DPH6: variants seen among roughly 807,000 people sequenced by gnomAD.
The protein encoded by DPH6 is diphthamine biosynthesis 6.
Under a neutral mutation model 38.2 loss-of-function variants are expected in DPH6, and 33 were observed. That is an observed-to-expected ratio of 0.86 (90% CI 0.65 to 1.15). The LOEUF is 1.15. Ranked by LOEUF, DPH6 falls within the 50% of genes most tolerant of loss-of-function variation. The pLI, the probability that DPH6 is intolerant of heterozygous loss-of-function variation, is 0.00. For synonymous variants in DPH6, 108 were observed against 103.0 expected (o/e 1.05, Z -0.30); for missense variants, 325 against 320.0 (o/e 1.02, Z -0.12).
intron 3 of DPH6, among the ~76,000 whole-genome samples, chr15:35,248,569 G>T (rs2051650943): frequency 6.6e-6 from 1 of 152,128 alleles, no homozygotes; most frequent in Non-Finnish European, 1.5e-5. Flanking sequence ...TGCTTCATCA[G>T]ATCTAAAGCA....
chr15:35,490,165 G>A (rs748816504), intron 3 of DPH6: 87 of 985,262 alleles, frequency 8.8e-5, no homozygotes, highest in Non-Finnish European at 1.0e-4. Context: ...ACACAGTAAA[G>A]TCTGAGATTC....
chr15:35,498,177 A>G (rs1595419104), intron 3 of DPH6, among the ~76,000 whole-genome samples: 2 of 152,152 alleles, frequency 1.3e-5, no homozygotes, highest in African/African-American at 4.8e-5. Flanking sequence ...CCTTAATACT[A>G]TCTCAAATGT....
chr15:35,477,605 C>T (rs2054278108), intron 3 of DPH6, among the ~76,000 whole-genome samples: 1 of 151,784 alleles, frequency 6.6e-6, no homozygotes, highest in African/African-American at 2.4e-5. Flanking sequence ...CCAGTGATTT[C>T]ATTCATTTAC....
chr15:35,398,247 C>A (rs946073884), intron 6 of DPH6, among the ~76,000 whole-genome samples: 1 of 152,144 alleles, frequency 6.6e-6, no homozygotes, highest in Non-Finnish European at 1.5e-5. Flanking sequence ...ACAGAAACAT[C>A]TTTTGTTCTA....
Position 35,280,378 on chromosome 15 carries a change from G to A in DPH6, n.201-59796C>T, listed in dbSNP as rs182128000. Among the ~76,000 whole-genome samples the A allele has an allele frequency of 5.3e-5, 8 of 152,156 alleles. No individual in the cohort carries two copies. In the East Asian group the frequency reaches 1.5e-3, roughly 29 times the overall value. On this transcript the variant is annotated intron_variant and non_coding_transcript_variant, in intron 3 of 3. Transcript: ENST00000560386. ...AAGCAATAAATAATATTGGAGGTTA[G>A]GGTAAAGAAAAATCACTTGTAGCTC... is the stretch of plus-strand genomic sequence containing the variant.
rs182144359 is a variant in DPH6 at position 35,420,931 on chromosome 15, C to T, written c.506-10035G>A. On this transcript the variant is annotated intron_variant, in intron 5 of 8. Transcript: ENST00000256538. ...GAAATGGAAGGGGAGACATTATAAC[C>T]GGTAACACGGAAATACAAAGGATCA... Among the ~76,000 whole-genome samples, 176 of 152,104 alleles carry T rather than the reference C, an allele frequency of 1.2e-3. 1 individual carries two copies. The highest frequency in any genetic ancestry group is 4.0e-3 in the African/African-American group (168 of 41,486).
At chr15:35,393,481 G>C (rs1041174101) in intron 6 of DPH6, among the ~76,000 whole-genome samples, 2 of 152,184 alleles carry the variant, frequency 1.3e-5, no homozygotes, top group Non-Finnish European at 2.9e-5. Flanking sequence ...TTGTTTGTTT[G>C]TTTTTAGAGT....
intron 3 of DPH6, among the ~76,000 whole-genome samples, chr15:35,236,553 G>A (rs1179939168): frequency 2.0e-5 from 3 of 151,906 alleles, no homozygotes; most frequent in Non-Finnish European, 4.4e-5. Flanking sequence ...GCAGGAGAAT[G>A]GTGTGAACCT....
At chr15:35,230,239 C>T (rs2051507706) in intron 3 of DPH6, among the ~76,000 whole-genome samples, 1 of 152,172 alleles carries the variant, frequency 6.6e-6, no homozygotes, top group South Asian at 2.1e-4. Flanking sequence ...TCACAAGACA[C>T]AACCCTTTCC....
At chr15:35,354,318 T>A (rs1383406925) in intron 3 of DPH6, among the ~76,000 whole-genome samples, 1 of 152,208 alleles carries the variant, frequency 6.6e-6, no homozygotes, top group Non-Finnish European at 1.5e-5. Context: ...CAACACTATG[T>A]TGAATAGGAG....
chr15:35,211,934 A>G, the DPH6 span, among the ~76,000 whole-genome samples: 2 of 152,254 alleles, frequency 1.3e-5, no homozygotes, highest in African/African-American at 4.8e-5. Context: ...CTTCGGCTCT[A>G]CATACATCAC....
At chr15:35,432,929 G>T (rs988848359) in intron 5 of DPH6, among the ~76,000 whole-genome samples, 1 of 152,072 alleles carries the variant, frequency 6.6e-6, no homozygotes, top group Non-Finnish European at 1.5e-5. Context: ...GGGCGTAAAT[G>T]ACTAATGACT....
intron 3 of DPH6, among the ~76,000 whole-genome samples, chr15:35,466,307 A>G (rs1327465585): frequency 6.6e-6 from 1 of 152,218 alleles, no homozygotes; most frequent in Non-Finnish European, 1.5e-5. Context: ...TAAATAAGGA[A>G]AAAAGTATAT....
At chr15:35,388,578 A>G in intron 6 of DPH6, among the ~76,000 whole-genome samples, 1 of 152,168 alleles carries the variant, frequency 6.6e-6, no homozygotes, top group Middle Eastern at 3.2e-3. Context: ...GGAAGAGTGT[A>G]TGTGTCCAGG....
chr15:35,520,424 C>T, intron 3 of DPH6: 1 of 982,812 alleles, frequency 1.0e-6, no homozygotes, highest in Non-Finnish European at 1.2e-6. Context: ...ATGAATCTTA[C>T]CTTTACATAT....
At chr15:35,386,169 A>T (rs572507935) in intron 6 of DPH6, among the ~76,000 whole-genome samples, 58 of 152,274 alleles carry the variant, frequency 3.8e-4, no homozygotes, top group African/African-American at 1.4e-3. Context: ...CCTACAAAGG[A>T]CATGAACTCA....
intron 3 of DPH6, among the ~76,000 whole-genome samples, chr15:35,252,155 T>C (rs1483194587): frequency 6.6e-6 from 1 of 152,106 alleles, no homozygotes; most frequent in African/African-American, 2.4e-5. Context: ...ATAATAACAA[T>C]AGCAAATACT....
chr15:35,327,811 GATAA>G (rs1278167065), downstream of DPH6, among the ~76,000 whole-genome samples: 1 of 152,106 alleles, frequency 6.6e-6, no homozygotes, highest in Non-Finnish European at 1.5e-5. Context: ...TGCTTTGTTA[GATAA>G]ATAGAGTATT....
chr15:35,284,833 G>A (rs1185761935), intron 3 of DPH6, among the ~76,000 whole-genome samples: 1 of 65,234 alleles, frequency 1.5e-5, no homozygotes, highest in South Asian at 5.3e-4. Flanking sequence ...TTTTTTTTGA[G>A]ACAAGGCTTC....
Sources: gnomAD v4.1 joint callset for allele counts (sites outside exome capture counted in the v4.1 genomes callset) on GRCh38, gnomAD v4.1.1 for gene constraint, MANE v1.5 for transcripts, NCBI Gene and HGNC (gene_info 2026-07-23, HGNC 2026-07-21) for gene names.